The following PDK1 variants were observed in gnomAD, a reference collection of about 807,000 sequenced individuals.
PDK1 encodes [Pyruvate dehydrogenase (acetyl-transferring)] kinase isozyme 1, mitochondrial.
In PDK1, 39 loss-of-function variants were observed where a neutral mutation model predicts 54.2. The observed-to-expected ratio is 0.72, with a 90% CI of 0.56 to 0.94. PDK1 has a LOEUF of 0.94. Among genes scored for constraint, PDK1 ranks in the 40% least tolerant of loss-of-function variants. The pLI is 0.00. For synonymous variants in PDK1, 221 were observed against 207.1 expected, an observed-to-expected ratio of 1.07 and a Z score of -0.58; for missense variants, 552 against 566.0, an observed-to-expected ratio of 0.98 and a Z score of 0.25.
chr2:172,637,354 T>C, the PDK1 span, among the ~76,000 whole-genome samples: 1 of 152,208 alleles, frequency 6.6e-6, no homozygotes. Context: ...AGGTCACTTA[T>C]TCTGCCTATT....
intron 9 of PDK1, among the ~76,000 whole-genome samples, chr2:172,590,618 G>T (rs1690515467): frequency 6.6e-6 from 1 of 152,150 alleles, no homozygotes. Context: ...TAAAGATAGT[G>T]CAGACCCAAA....
chr2:172,642,807 T>TCCC, the PDK1 span, among the ~76,000 whole-genome samples: 1 of 151,032 alleles, frequency 6.6e-6, no homozygotes, highest in Non-Finnish European at 1.5e-5. Context: ...CTCCTCCTCC[T>TCCC]CCTTCTTCTT....
the PDK1 span, among the ~76,000 whole-genome samples, chr2:172,622,677 ATATTATG>A: frequency 8.0e-6 from 1 of 125,004 alleles, no homozygotes; most frequent in African/African-American, 2.8e-5. Context: ...TATATCTCAT[ATATTATG>A]TGAGATATGT....
the PDK1 span, among the ~76,000 whole-genome samples, chr2:172,688,492 T>A: frequency 6.6e-6 from 1 of 152,180 alleles, no homozygotes; most frequent in Non-Finnish European, 1.5e-5. Flanking sequence ...CCAAGCCCCA[T>A]CTTACTGACT....
intron 8 of PDK1, among the ~76,000 whole-genome samples, chr2:172,572,967 A>C (rs1689364442): frequency 6.6e-6 from 1 of 152,176 alleles, no homozygotes; most frequent in Admixed American, 6.5e-5. Flanking sequence ...TGTTATATGG[A>C]TATAACACCT....
At chr2:172,638,002 A>T in the PDK1 span, among the ~76,000 whole-genome samples, 1 of 151,362 alleles carries the variant, frequency 6.6e-6, no homozygotes, top group African/African-American at 2.4e-5. Context: ...GCCTGCATTT[A>T]TTTTTTTTTA....
the PDK1 span, among the ~76,000 whole-genome samples, chr2:172,690,170 C>T: frequency 1.5e-4 from 23 of 150,116 alleles, 1 homozygote; most frequent in Middle Eastern, 3.2e-3. Flanking sequence ...AACAAACAAC[C>T]GCATCAAAAA....
At chr2:172,664,311 CAAAAAA>C in the PDK1 span, among the ~76,000 whole-genome samples, 990 of 44,220 alleles carry the variant, frequency 0.022, 27 homozygotes, top group African/African-American at 0.088. Context: ...AACTCTGCCT[CAAAAAA>C]AAAAAAAAAA....
the PDK1 span, among the ~76,000 whole-genome samples, chr2:172,680,552 G>C: frequency 1.3e-5 from 2 of 152,026 alleles, no homozygotes; most frequent in Non-Finnish European, 2.9e-5. Flanking sequence ...TTTTGTGGTA[G>C]AGACGGGGTC....
chr2:172,721,772 A>G, the PDK1 span, among the ~76,000 whole-genome samples: 4 of 152,208 alleles, frequency 2.6e-5, no homozygotes, highest in Non-Finnish European at 5.9e-5. Context: ...CAGCTAGGAA[A>G]AGGCCAGGCA....
chr2:172,558,883 G>A (rs1688503573), intron 2 of PDK1, 34 bp downstream of exon 2: 2 of 1,591,044 alleles, frequency 1.3e-6, no homozygotes. Context: ...CAATTTGATG[G>A]AGTTGTGGAC....
chr2:172,558,689 C>T lies in PDK1; in HGVS notation c.197-19C>T, dbSNP rs745486054. ...TTATGGCTTTTACTTACTGCTTTAC[C>T]CATCATGTTTGGTTTCAGGATCAGT... On this transcript the variant is annotated intron_variant, in intron 1 of 10. Transcript: ENST00000282077. 6.3e-7 allele frequency: 1 copy of T among 1,584,922 alleles called. No homozygotes were observed. The highest frequency in any genetic ancestry group is 1.2e-5 in the South Asian group (1 of 86,394).
At chr2:172,645,415 C>T in the PDK1 span, among the ~76,000 whole-genome samples, 11 of 151,668 alleles carry the variant, frequency 7.3e-5, no homozygotes, top group Non-Finnish European at 1.2e-4. Flanking sequence ...CTTGCCACCA[C>T]GCCCGGCTAA....
chr2:172,595,218 T>C lies in PDK1; in HGVS notation c.1171-611T>C, dbSNP rs998653619. 2.0e-5 allele frequency among the ~76,000 whole-genome samples: 3 copies of C among 152,156 alleles called. No individual in the cohort carries two copies. In the South Asian group the frequency reaches 6.2e-4, roughly 32 times the overall value. ...CCAAGTAGTTAGGACTACACCCATG[T>C]GCCACCATGTCCAGCTGATATTTTT... is the stretch of plus-strand genomic sequence containing the variant. On this transcript the variant is annotated intron_variant, in intron 10 of 10. Coordinates refer to ENST00000282077, the MANE Select transcript of PDK1 (RefSeq NM_002610.5).
the PDK1 span, among the ~76,000 whole-genome samples, chr2:172,678,037 TG>T: frequency 6.6e-6 from 1 of 152,094 alleles, no homozygotes; most frequent in South Asian, 2.1e-4. Flanking sequence ...GGCATGGTGG[TG>T]GGCGCCTGTA....
At chr2:172,700,503 G>A in the PDK1 span, among the ~76,000 whole-genome samples, 3 of 148,908 alleles carry the variant, frequency 2.0e-5, no homozygotes, top group Admixed American at 1.3e-4. Flanking sequence ...GGGAAGAGGT[G>A]CTCCTCACTT....
chr2:172,636,580 G>T, the PDK1 span, among the ~76,000 whole-genome samples: 1 of 152,048 alleles, frequency 6.6e-6, no homozygotes, highest in Admixed American at 6.6e-5. Flanking sequence ...AATTAGCTGG[G>T]CATGGTGGTG....
chr2:172,558,607 C>T (rs1688483565), intron 1 of PDK1, 101 bp from the exon 2 acceptor site: 1 of 1,052,634 alleles, frequency 9.5e-7, no homozygotes, highest in African/African-American at 1.6e-5. Context: ...TTCTATCCCT[C>T]TGGCCTTGCC....
chr2:172,669,611 A>G, the PDK1 span, among the ~76,000 whole-genome samples: 2 of 152,170 alleles, frequency 1.3e-5, no homozygotes, highest in Non-Finnish European at 1.5e-5. Flanking sequence ...TGTTGTCCAA[A>G]ATGGCTGTAC....
Sources: gnomAD v4.1 joint callset for allele counts (sites outside exome capture counted in the v4.1 genomes callset) on GRCh38, gnomAD v4.1.1 for gene constraint, MANE v1.5 for transcripts, NCBI Gene and HGNC (gene_info 2026-07-23, HGNC 2026-07-21) for gene names.